The following KCNQ3 variants were observed in gnomAD, a reference collection of about 807,000 sequenced individuals.
KCNQ3 encodes potassium voltage-gated channel subfamily Q member 3, also known as potassium voltage-gated channel subfamily KQT member 3.
A neutral mutation model predicts 92.5 loss-of-function variants in KCNQ3; 30 were observed. The observed-to-expected ratio is 0.32, with a 90% CI of 0.24 to 0.44. The LOEUF is 0.44. KCNQ3 is among the 20% of genes least tolerant of loss of function. The probability of loss-of-function intolerance (pLI) is 1.00; values close to 1 mark genes in which losing one functional copy is unlikely to be tolerated. For missense variants in KCNQ3, 913 were observed against 1,140.3 expected, an observed-to-expected ratio of 0.80 and a Z score of 2.87; for synonymous variants, 450 against 468.8, an observed-to-expected ratio of 0.96 and a Z score of 0.52.
At chr8:132,352,880 C>G (rs950352099) in intron 1 of KCNQ3, among the ~76,000 whole-genome samples, 2 of 152,082 alleles carry the variant, frequency 1.3e-5, no homozygotes, top group African/African-American at 4.8e-5. Flanking sequence ...TGCCCTGACC[C>G]CAGTTCCACA....
intron 1 of KCNQ3, among the ~76,000 whole-genome samples, chr8:132,424,073 A>G (rs1404809937): frequency 6.6e-6 from 1 of 152,080 alleles, no homozygotes; most frequent in Non-Finnish European, 1.5e-5. Flanking sequence ...CCACCATGTC[A>G]CATCGCTGTG....
intron 1 of KCNQ3, among the ~76,000 whole-genome samples, chr8:132,190,186 C>T (rs1827117862): frequency 6.6e-6 from 1 of 152,120 alleles, no homozygotes; most frequent in Non-Finnish European, 1.5e-5. Context: ...GCTCCCTGTA[C>T]CTCGGATATG....
intron 9 of KCNQ3, among the ~76,000 whole-genome samples, chr8:132,146,498 C>T (rs755310386): frequency 7.2e-5 from 11 of 151,748 alleles, no homozygotes; most frequent in Admixed American, 1.3e-4. Flanking sequence ...AACAGGGGAG[C>T]GTTGTTTAAT....
intron 1 of KCNQ3, among the ~76,000 whole-genome samples, chr8:132,416,412 G>A (rs1175216560): frequency 1.3e-5 from 2 of 152,132 alleles, no homozygotes; most frequent in Non-Finnish European, 1.5e-5. Context: ...TGGATCACCT[G>A]AGGTCAGGAG....
chr8:132,163,401 A>G, intron 9 of KCNQ3, 67 bp downstream of exon 9: 5 of 1,370,734 alleles, frequency 3.6e-6, no homozygotes, highest in Non-Finnish European at 5.2e-6. Context: ...GCCCTACACC[A>G]TATGGAGCAG....
At chr8:132,459,310 T>A (rs566075559) in intron 1 of KCNQ3, among the ~76,000 whole-genome samples, 5 of 152,176 alleles carry the variant, frequency 3.3e-5, no homozygotes, top group Non-Finnish European at 7.3e-5. Context: ...TAAGGCTGGG[T>A]AACTTATAAA....
chr8:132,309,779 G>A (rs1385464060), intron 1 of KCNQ3, among the ~76,000 whole-genome samples: 1 of 152,132 alleles, frequency 6.6e-6, no homozygotes, highest in African/African-American at 2.4e-5. Context: ...CTTACAAACT[G>A]GTCCCCTCTG....
chr8:132,220,323 G>C (rs1187592659), intron 1 of KCNQ3, among the ~76,000 whole-genome samples: 2 of 152,208 alleles, frequency 1.3e-5, no homozygotes, highest in African/African-American at 4.8e-5. Flanking sequence ...CCTCAAAACT[G>C]AAGGAATACT....
chr8:132,339,317 T>C (rs530328330), intron 1 of KCNQ3, among the ~76,000 whole-genome samples: 6 of 152,346 alleles, frequency 3.9e-5, no homozygotes, highest in East Asian at 1.9e-4. Context: ...CATTTATTCA[T>C]TCATTCCACC....
chr8:132,175,781 T>C (rs1412716489), intron 4 of KCNQ3, among the ~76,000 whole-genome samples, 173 bp from the exon 5 acceptor site: 1 of 152,136 alleles, frequency 6.6e-6, no homozygotes, highest in Non-Finnish European at 1.5e-5. Flanking sequence ...ATCATTAACA[T>C]GGTAGTTATT....
chr8:132,151,180 T>C (rs189927006), intron 9 of KCNQ3, among the ~76,000 whole-genome samples: 3 of 152,264 alleles, frequency 2.0e-5, no homozygotes, highest in African/African-American at 7.2e-5. Context: ...ACACCCTTAG[T>C]TATGCTGGAA....
In KCNQ3 at chr8:132,198,666, G is replaced by T. The variant is rs186369512; in HGVS notation, c.387-12485C>A. Among the ~76,000 whole-genome samples the T allele has an allele frequency of 1.4e-4, 22 of 152,212 alleles. No homozygotes were observed. In the East Asian group the frequency reaches 2.3e-3, roughly 16 times the overall value. On this transcript the variant is annotated intron_variant, in intron 1 of 14. Transcript: ENST00000388996. Reference sequence around the variant, plus strand: ...TACTAAACATACAAAAATTAGCTGGGCATGGTGGCGGGTGCCTGCAATCCC... The same window carrying T: ...TACTAAACATACAAAAATTAGCTGGTCATGGTGGCGGGTGCCTGCAATCCC...
chr8:132,437,075 C>G (rs1035678344), intron 1 of KCNQ3, among the ~76,000 whole-genome samples: 1 of 151,428 alleles, frequency 6.6e-6, no homozygotes, highest in Non-Finnish European at 1.5e-5. Flanking sequence ...GTCAGGAGAT[C>G]GAGACCATCC....
Position 132,129,806 on chromosome 8 carries a change from G to T in KCNQ3, c.2075C>A (p.Pro692His). The T allele has an allele frequency of 6.2e-7, 1 of 1,614,190 alleles. No individual in the cohort carries two copies. The highest frequency in any genetic ancestry group is 8.5e-7 in the Non-Finnish European group (1 of 1,180,038). Residue 692 changes from proline (P) to histidine (H), a missense_variant, in exon 15 of 15, where the codon CCC (proline) becomes CAC (histidine). Physicochemically the swap from Pro to His is moderately conservative, Grantham distance 77. Transcript: ENST00000388996. This position sits in a 1 kb window ranked among gnomAD's most constrained non-coding sequence, Gnocchi z 5.9. ...GTGGAAGCTGTAGGGTGGTTCCGGG[G>T]GGCCTGTCTCAGAATAGTTGCAGAT... ...TIICNYSETG[P>H]PEPPYSFHQV...
At chr8:132,173,956 C>A (rs1306420488) in intron 6 of KCNQ3, among the ~76,000 whole-genome samples, 1 of 152,242 alleles carries the variant, frequency 6.6e-6, no homozygotes, top group Admixed American at 6.5e-5. Context: ...TAGCATAGGG[C>A]CAGAAACTCC....
intron 1 of KCNQ3, among the ~76,000 whole-genome samples, chr8:132,284,498 T>TA (rs1554640700): frequency 3.3e-5 from 5 of 151,836 alleles, no homozygotes; most frequent in African/African-American, 1.2e-4. Flanking sequence ...ATTTTTTTTT[T>TA]ATCTACTCTT....
At chr8:132,257,755 AAAAAAAAAAAAG>A (rs1484440450) in intron 1 of KCNQ3, among the ~76,000 whole-genome samples, 2 of 149,994 alleles carry the variant, frequency 1.3e-5, no homozygotes, top group Non-Finnish European at 3.0e-5. Context: ...CAAAAAAAAA[AAAAAAAAAAAAG>A]AGAGAGAGAG....
rs1226580671 is a variant in KCNQ3, at chr8:132,264,831, G to T, written c.387-78650C>A. On this transcript the variant is annotated intron_variant, in intron 1 of 14. Transcript: ENST00000388996. ...TTTTTGTGAGGGTTAAAGAAACTTA[G>T]AAAATAACCTGACCCTAAGTAAGCA... Among the ~76,000 whole-genome samples, 3 of 152,156 alleles carry T rather than the reference G, an allele frequency of 2.0e-5. 1 individual carries two copies.
At chr8:132,271,758 C>T (rs1473644283) in intron 1 of KCNQ3, among the ~76,000 whole-genome samples, 4 of 152,196 alleles carry the variant, frequency 2.6e-5, no homozygotes, top group Non-Finnish European at 4.4e-5. Context: ...AAGCTGATTG[C>T]CTTTCCTTTT....
Sources: allele counts gnomAD v4.1 joint callset (sites outside exome capture counted in the v4.1 genomes callset), GRCh38; gene constraint gnomAD v4.1.1; non-coding constraint Gnocchi (gnomAD v3.1); transcripts MANE v1.5; gene names NCBI Gene and HGNC (gene_info 2026-07-23, HGNC 2026-07-21).